NYAP2: variants seen among roughly 807,000 people sequenced by gnomAD.
NYAP2 encodes the protein neuronal tyrosine-phosphorylated phosphoinositide-3-kinase adapter 2.
A neutral mutation model predicts 50.4 loss-of-function variants in NYAP2; 23 were observed. That is an observed-to-expected ratio of 0.46 (90% CI 0.33 to 0.65). NYAP2 has a LOEUF of 0.65. Among genes scored for constraint, NYAP2 ranks in the 30% least tolerant of loss-of-function variants. NYAP2 has a pLI of 0.02. For missense variants in NYAP2, 885 were observed against 861.0 expected (o/e 1.03, Z -0.35); for synonymous variants, 394 against 365.2 (o/e 1.08, Z -0.90).
chr2:225,638,154 GTT>G (rs1491205280), intron 6 of NYAP2, among the ~76,000 whole-genome samples: 23 of 114,340 alleles, frequency 2.0e-4, no homozygotes, highest in African/African-American at 8.4e-4. Context: ...AGACTCGTGT[GTT>G]TGTGTGTGTG....
At chr2:225,690,357 G>A in the NYAP2 span, among the ~76,000 whole-genome samples, 1 of 148,630 alleles carries the variant, frequency 6.7e-6, no homozygotes, top group African/African-American at 2.6e-5. Context: ...ATGCTGACAA[G>A]TGCAGAAAAT....
chr2:225,634,923 T>C (rs899164692), intron 6 of NYAP2, among the ~76,000 whole-genome samples: 4 of 152,216 alleles, frequency 2.6e-5, no homozygotes, highest in Non-Finnish European at 5.9e-5. Context: ...GATTCAGGAA[T>C]GGAACTGCAA....
chr2:225,428,768 T>A (rs1435951494), intron 3 of NYAP2, among the ~76,000 whole-genome samples: 3 of 152,226 alleles, frequency 2.0e-5, no homozygotes, highest in Admixed American at 2.0e-4. Flanking sequence ...GAATCTGTGG[T>A]TGAGTTCTTT....
intron 2 of NYAP2, among the ~76,000 whole-genome samples, chr2:225,402,621 A>G (rs954887929): frequency 1.4e-4 from 22 of 152,172 alleles, no homozygotes; most frequent in African/African-American, 3.8e-4. Flanking sequence ...TTGGGAAGAG[A>G]GATAGTGGAG....
intron 4 of NYAP2, among the ~76,000 whole-genome samples, chr2:225,552,564 T>A (rs2106210643): frequency 6.6e-6 from 1 of 152,238 alleles, no homozygotes; most frequent in African/African-American, 2.4e-5. Context: ...TCTCTTTCTC[T>A]CTCTCTCTCT....
chr2:225,614,353 T>C (rs1692949812), intron 5 of NYAP2, among the ~76,000 whole-genome samples: 1 of 152,230 alleles, frequency 6.6e-6, no homozygotes, highest in Non-Finnish European at 1.5e-5. Context: ...GCTACTATTT[T>C]GAATGAAAAA....
rs944666082 is a variant in NYAP2, at chr2:225,422,595, T to C, written c.221+13494T>C. Among the ~76,000 whole-genome samples, 22 of 150,786 alleles carry C rather than the reference T, an allele frequency of 1.5e-4. No homozygotes were observed. The East Asian group carries it at 4.3e-3, about 29-fold the overall frequency. ...AGGACGCTGTGAACCGATCTATTAT[T>C]AAAAAAAAAGACTGGCAGGGAGTAA... On this transcript the variant is annotated intron_variant, in intron 3 of 6. Coordinates refer to ENST00000636099, the Ensembl canonical transcript of NYAP2.
chr2:225,606,110 A>G (rs1692781423), intron 5 of NYAP2, among the ~76,000 whole-genome samples: 2 of 152,144 alleles, frequency 1.3e-5, no homozygotes, highest in African/African-American at 4.8e-5. Flanking sequence ...CATTGAGTCT[A>G]AATTCCTCAT....
At chr2:225,449,505 A>T (rs2106146488) in intron 3 of NYAP2, among the ~76,000 whole-genome samples, 1 of 152,184 alleles carries the variant, frequency 6.6e-6, no homozygotes, top group South Asian at 2.1e-4. Context: ...CACAAAGCAA[A>T]ATCTGGATTG....
the NYAP2 span, among the ~76,000 whole-genome samples, chr2:225,691,997 G>A: frequency 5.0e-4 from 76 of 151,702 alleles, no homozygotes; most frequent in Non-Finnish European, 9.3e-4. Context: ...CTGAAAATTA[G>A]TATTGATTGA....
At chr2:225,622,684 A>C (rs1693142476) in intron 5 of NYAP2, among the ~76,000 whole-genome samples, 1 of 150,688 alleles carries the variant, frequency 6.6e-6, no homozygotes. Flanking sequence ...GGTTCAAGCG[A>C]TTCTTATGCC....
chr2:225,516,834 T>A (rs1310892618), intron 4 of NYAP2, among the ~76,000 whole-genome samples: 1 of 152,182 alleles, frequency 6.6e-6, no homozygotes, highest in Non-Finnish European at 1.5e-5. Flanking sequence ...TTTCTAGCTA[T>A]CAACAGTATA....
Position 225,513,354 on chromosome 2 carries a change from T to G in NYAP2, c.222-17T>G. On this transcript the variant is annotated splice_polypyrimidine_tract_variant and intron_variant, in intron 3 of 6. Coordinates refer to ENST00000636099, the Ensembl canonical transcript of NYAP2. Reference sequence around the variant, plus strand: ...CTCCTTTTGTCTTCATGGTTTTTGGTCTGCTTTCTTTTACAGCATAGGTGG... The same window carrying G: ...CTCCTTTTGTCTTCATGGTTTTTGGGCTGCTTTCTTTTACAGCATAGGTGG... 1 of 1,613,416 alleles carries G rather than the reference T, an allele frequency of 6.2e-7. No homozygotes were observed. The highest frequency in any genetic ancestry group is 1.3e-5 in the African/African-American group (1 of 75,036).
intron 6 of NYAP2, among the ~76,000 whole-genome samples, chr2:225,634,528 A>G (rs1484873473): frequency 1.3e-5 from 2 of 152,124 alleles, no homozygotes; most frequent in Non-Finnish European, 2.9e-5. Context: ...AAAGTGAAAA[A>G]CAGATGTGGA....
At chr2:225,641,422 A>AAC (rs56041107) in intron 6 of NYAP2, among the ~76,000 whole-genome samples, 5,989 of 133,586 alleles carry the variant, frequency 0.045, 239 homozygotes, top group African/African-American at 0.12. Context: ...CAATCCCTCA[A>AAC]ACACACACAC....
chr2:225,622,518 CTTCTTTCTTTCTTTCT>C (rs1553557351), intron 5 of NYAP2, among the ~76,000 whole-genome samples: 3 of 70,398 alleles, frequency 4.3e-5, no homozygotes, highest in African/African-American at 1.3e-4. Context: ...TTCTTTCTTT[CTTCTTTCTTTCTTTCT>C]TTCTTTCTTT....
At chr2:225,429,316 A>C (rs534174206) in intron 3 of NYAP2, among the ~76,000 whole-genome samples, 1 of 152,352 alleles carries the variant, frequency 6.6e-6, no homozygotes, top group South Asian at 2.1e-4. Context: ...TGCATGTTGC[A>C]TAGTGATACT....
chr2:225,446,796 G>A (rs949655099), intron 3 of NYAP2, among the ~76,000 whole-genome samples: 9 of 152,132 alleles, frequency 5.9e-5, no homozygotes, highest in Non-Finnish European at 7.4e-5. Context: ...TGACTACTGC[G>A]CCTGTTAAAT....
chr2:225,636,709 A>G (rs1161189395), intron 6 of NYAP2, among the ~76,000 whole-genome samples: 1 of 152,132 alleles, frequency 6.6e-6, no homozygotes, highest in Non-Finnish European at 1.5e-5. Context: ...AAGTGACTGT[A>G]TGTCAATTCT....
Sources: gnomAD v4.1 joint callset for allele counts (sites outside exome capture counted in the v4.1 genomes callset) on GRCh38, gnomAD v4.1.1 for gene constraint, MANE v1.5 for transcripts, NCBI Gene and HGNC (gene_info 2026-07-23, HGNC 2026-07-21) for gene names.